Variants in PDE4B observed in about 807,000 individuals in gnomAD.
The protein encoded by PDE4B is 3',5'-cyclic-AMP phosphodiesterase 4B.
A neutral mutation model predicts 82.2 loss-of-function variants in PDE4B; 20 were observed. The ratio of observed to expected loss-of-function variants is 0.24; its 90% CI spans 0.17 to 0.35. The LOEUF (loss-of-function observed/expected upper bound fraction) is 0.35. Ranked by LOEUF, PDE4B falls within the 10% of genes least tolerant of loss-of-function variation. The probability of loss-of-function intolerance (pLI) is 1.00; values close to 1 mark genes in which losing one functional copy is unlikely to be tolerated. For missense variants in PDE4B, 655 were observed against 907.2 expected (o/e 0.72, Z 3.57); for synonymous variants, 320 against 318.9 (o/e 1.00, Z -0.04).
chr1:65,794,051 GTGTGTGTGTC>G (rs1645604693), intron 1 of PDE4B, among the ~76,000 whole-genome samples: 1 of 152,178 alleles, frequency 6.6e-6, no homozygotes, highest in South Asian at 2.1e-4. Flanking sequence ...ATATATGTGT[GTGTGTGTGTC>G]TGTGTGTGTC....
chr1:66,365,958 G>C (rs1233153896), intron 13 of PDE4B, among the ~76,000 whole-genome samples, 192 bp downstream of exon 13: 1 of 152,290 alleles, frequency 6.6e-6, no homozygotes, highest in Admixed American at 6.5e-5. Context: ...GCTGCATGGA[G>C]AACTTGGAGA....
intron 1 of PDE4B, among the ~76,000 whole-genome samples, chr1:65,836,169 C>G (rs903946931): frequency 6.6e-6 from 1 of 152,006 alleles, no homozygotes. Flanking sequence ...CTCGAACTTC[C>G]TACCTCAGGT....
At chr1:66,177,092 T>C (rs1415635084) in intron 3 of PDE4B, among the ~76,000 whole-genome samples, 1 of 152,198 alleles carries the variant, frequency 6.6e-6, no homozygotes, top group African/African-American at 2.4e-5. Context: ...GAGGTGACAT[T>C]TGACTTCAGT....
intron 3 of PDE4B, among the ~76,000 whole-genome samples, chr1:66,110,443 T>G (rs139248388): frequency 2.0e-5 from 3 of 152,150 alleles, no homozygotes; most frequent in East Asian, 1.9e-4. Flanking sequence ...TCCACAAGTC[T>G]TGTCTGCTAC....
chr1:65,873,340 G>A (rs1646596382), intron 1 of PDE4B, among the ~76,000 whole-genome samples: 1 of 152,172 alleles, frequency 6.6e-6, no homozygotes, highest in Non-Finnish European at 1.5e-5. Flanking sequence ...GGGAAAGAAA[G>A]GTTGGGGATT....
chr1:65,960,151 A>G (rs1649473935), intron 3 of PDE4B, among the ~76,000 whole-genome samples: 1 of 152,196 alleles, frequency 6.6e-6, no homozygotes. Flanking sequence ...CTTTTTCTCA[A>G]CAGGGGAACT....
intron 3 of PDE4B, among the ~76,000 whole-genome samples, chr1:66,122,711 T>C (rs1645737312): frequency 6.8e-6 from 1 of 147,428 alleles, no homozygotes; most frequent in South Asian, 2.2e-4. Flanking sequence ...TTCTTTTTTT[T>C]TTTTTTTTTT....
In PDE4B at chr1:65,851,667, G is replaced by C. The variant is rs139830778; in HGVS notation, c.-71+58419G>C. On this transcript the variant is annotated intron_variant, in intron 1 of 16. Coordinates refer to ENST00000341517, the MANE Select transcript of PDE4B (RefSeq NM_002600.4). ...AAATAAGCTTAATTTTTAAAATATT[G>C]GGATTAAATCTTGAGTCCTTGTTAA... 3.6e-3 allele frequency among the ~76,000 whole-genome samples: 553 copies of C among 151,890 alleles called. 5 individuals carry two copies. Among genetic ancestry groups the C allele is most frequent in the African/African-American group, 0.012 (513 of 41,476 alleles).
At chr1:65,884,364 G>A (rs377337237) in intron 1 of PDE4B, among the ~76,000 whole-genome samples, 10 of 152,008 alleles carry the variant, frequency 6.6e-5, no homozygotes, top group African/African-American at 1.4e-4. Context: ...AGGGATTCAA[G>A]TTCTTCCTGG....
intron 8 of PDE4B, 122 bp from the exon 9 acceptor site, chr1:66,355,405 T>G: frequency 2.0e-6 from 1 of 503,702 alleles, no homozygotes; most frequent in South Asian, 4.3e-5. Context: ...GAAACAGTAT[T>G]ATTTATCTAA....
intron 3 of PDE4B, among the ~76,000 whole-genome samples, chr1:65,919,220 T>G (rs1647196914): frequency 6.6e-6 from 1 of 152,238 alleles, no homozygotes; most frequent in Non-Finnish European, 1.5e-5. Flanking sequence ...ATTGCTGAAC[T>G]CTACACTTCT....
At chr1:65,907,050 G>A (rs2100439766) in intron 1 of PDE4B, among the ~76,000 whole-genome samples, 1 of 152,204 alleles carries the variant, frequency 6.6e-6, no homozygotes, top group South Asian at 2.1e-4. Context: ...TCTAAATATT[G>A]AGCAACTTTA....
chr1:66,294,293 A>C (rs1015081486), intron 7 of PDE4B, among the ~76,000 whole-genome samples: 30 of 152,198 alleles, frequency 2.0e-4, no homozygotes, highest in Admixed American at 6.6e-4. Flanking sequence ...AGATATATCT[A>C]GCATTAGAGA....
At chr1:66,008,171 G>T (rs1466966051) in intron 3 of PDE4B, among the ~76,000 whole-genome samples, 2 of 152,218 alleles carry the variant, frequency 1.3e-5, no homozygotes, top group African/African-American at 2.4e-5. Flanking sequence ...TAAACTAGAA[G>T]AATTAATTTC....
At chr1:65,911,665 G>A (rs1647093235) in intron 1 of PDE4B, among the ~76,000 whole-genome samples, 2 of 152,016 alleles carry the variant, frequency 1.3e-5, no homozygotes. Flanking sequence ...GCTGCTGTTT[G>A]GTCAGCATTA....
intron 3 of PDE4B, among the ~76,000 whole-genome samples, chr1:66,186,003 A>T (rs937838502): frequency 2.6e-5 from 4 of 152,138 alleles, no homozygotes; most frequent in African/African-American, 9.7e-5. Context: ...ATCTTGAATT[A>T]ATTTTTGTAT....
At chr1:65,807,622 C>T (rs903138168) in intron 1 of PDE4B, among the ~76,000 whole-genome samples, 1 of 152,178 alleles carries the variant, frequency 6.6e-6, no homozygotes, top group African/African-American at 2.4e-5. Flanking sequence ...CCCTCTAATC[C>T]CATTTCCTCA....
At chr1:66,367,455 T>C in intron 13 of PDE4B, 1 of 356,588 alleles carries the variant, frequency 2.8e-6, no homozygotes, top group Non-Finnish European at 5.1e-6. Flanking sequence ...AGTAAAAGGA[T>C]TTTAAAATAC....
chr1:65,900,704 A>AT, intron 1 of PDE4B, among the ~76,000 whole-genome samples: 1 of 151,926 alleles, frequency 6.6e-6, no homozygotes, highest in East Asian at 1.9e-4. Context: ...GGTATGTTAC[A>AT]TTTTTGCATG....
Sources: allele counts gnomAD v4.1 joint callset (sites outside exome capture counted in the v4.1 genomes callset), GRCh38; gene constraint gnomAD v4.1.1; transcripts MANE v1.5; gene names NCBI Gene and HGNC (gene_info 2026-07-23, HGNC 2026-07-21).